NALCN: variants seen among roughly 807,000 people sequenced by gnomAD.
NALCN encodes sodium leak channel, non-selective, also known as sodium leak channel NALCN.
NALCN carries 111 observed loss-of-function variants against 225.3 expected under a neutral mutation model. The ratio of observed to expected loss-of-function variants is 0.49; its 90% CI spans 0.42 to 0.58. NALCN has a LOEUF of 0.58. Among genes scored for constraint, NALCN ranks in the 20% least tolerant of loss-of-function variants. The pLI is 0.00. For missense variants in NALCN, 1,378 were observed against 2,202.4 expected (o/e 0.63, Z 7.49); for synonymous variants, 764 against 769.0 (o/e 0.99, Z 0.11).
chr13:101,319,989 T>A (rs2044689143), intron 7 of NALCN, among the ~76,000 whole-genome samples: 1 of 152,214 alleles, frequency 6.6e-6, no homozygotes, highest in Admixed American at 6.5e-5. Flanking sequence ...ATTCTTCTTA[T>A]GTTTCCCATG....
intron 7 of NALCN, among the ~76,000 whole-genome samples, chr13:101,300,689 C>T (rs1338729795): frequency 6.6e-6 from 1 of 152,216 alleles, no homozygotes; most frequent in Non-Finnish European, 1.5e-5. Flanking sequence ...TAATCTTCAA[C>T]ACAACTTGTC....
At chr13:101,395,097 C>T in intron 3 of NALCN, 86 bp downstream of exon 3, 1 of 1,333,790 alleles carries the variant, frequency 7.5e-7, no homozygotes, top group Non-Finnish European at 1.0e-6. Flanking sequence ...TTTTGTTTTA[C>T]TGAAATGAAC....
rs1181731796 is a variant in NALCN at position 101,183,773 on chromosome 13, A to C, written c.1765-7399T>G. Among the ~76,000 whole-genome samples the C allele has an allele frequency of 2.0e-5, 3 of 151,908 alleles. No homozygotes were observed. The East Asian group carries it at 5.8e-4, about 29-fold the overall frequency. The stretch of plus-strand genomic sequence containing the variant: ...CACGCCTGGCCCGATATTTCAATTT[A>C]TACTGCAGCAGGATATACTATGTCC... On this transcript the variant is annotated intron_variant, in intron 14 of 43. Coordinates refer to ENST00000251127, the MANE Select transcript of NALCN (RefSeq NM_052867.4).
At chr13:101,149,168 C>T (rs2037508793) in intron 15 of NALCN, among the ~76,000 whole-genome samples, 2 of 152,074 alleles carry the variant, frequency 1.3e-5, no homozygotes, top group African/African-American at 2.4e-5. Flanking sequence ...TGGCAGGCGC[C>T]TGTAGTCCCA....
intron 18 of NALCN, among the ~76,000 whole-genome samples, chr13:101,120,156 T>C (rs36103304): frequency 6.6e-6 from 1 of 152,148 alleles, no homozygotes; most frequent in South Asian, 2.1e-4. Flanking sequence ...GTATATAACA[T>C]ACTTTCTGCT....
chr13:101,055,897 G>A (rs1395393677), intron 43 of NALCN, among the ~76,000 whole-genome samples: 1 of 152,114 alleles, frequency 6.6e-6, no homozygotes, highest in Non-Finnish European at 1.5e-5. Context: ...TGAGGGTATG[G>A]GAGGAAAGGT....
intron 10 of NALCN, among the ~76,000 whole-genome samples, chr13:101,279,310 G>A (rs1181146247): frequency 1.3e-5 from 2 of 152,172 alleles, no homozygotes; most frequent in Non-Finnish European, 2.9e-5. Flanking sequence ...GAAAATGTCA[G>A]TGCTTCCTGG....
Position 101,055,429 on chromosome 13 carries a change from T to C in NALCN, c.5083A>G (p.Thr1695Ala), listed in dbSNP as rs890448197. 1.9e-6 allele frequency: 3 copies of C among 1,614,060 alleles called. No individual in the cohort carries two copies. The highest frequency in any genetic ancestry group is 2.5e-6 in the Non-Finnish European group (3 of 1,180,034). The change falls in exon 44 of 44, where the codon ACC (threonine) becomes GCC (alanine). Residue 1695 changes from threonine (T) to alanine (A), a missense_variant. This residue lies in a region of NALCN where 145 missense variants were observed against 169.6 expected (regional missense o/e 0.85). Coordinates refer to ENST00000251127, the MANE Select transcript of NALCN (RefSeq NM_052867.4). ...SVNLRFGGRT[T>A]MKSVVCKMNP... ...ATTTTGCACACGACAGATTTCATGG[T>C]TGTCCTTCCTCCAAACCGTAAGTTG...
intron 7 of NALCN, among the ~76,000 whole-genome samples, chr13:101,339,086 G>A (rs768176217): frequency 5.9e-5 from 9 of 152,146 alleles, no homozygotes; most frequent in Non-Finnish European, 1.0e-4. Flanking sequence ...ATATGTTTAT[G>A]AGCAAGTGGG....
At chr13:101,062,194 G>T in intron 40 of NALCN, 76 bp from the exon 41 acceptor site, 3 of 1,517,806 alleles carry the variant, frequency 2.0e-6, no homozygotes, top group Non-Finnish European at 2.7e-6. Flanking sequence ...TCAAAATCCA[G>T]AGAGGACATC....
At chr13:101,230,116 T>G (rs1175126330) in intron 12 of NALCN, among the ~76,000 whole-genome samples, 1 of 152,168 alleles carries the variant, frequency 6.6e-6, no homozygotes, top group African/African-American at 2.4e-5. Context: ...ACATAAACAA[T>G]TTTTGTGTTT....
At chr13:101,212,978 C>T (rs537571714) in intron 13 of NALCN, among the ~76,000 whole-genome samples, 20 of 152,094 alleles carry the variant, frequency 1.3e-4, no homozygotes, top group Non-Finnish European at 1.9e-4. Context: ...AAAAAGAGCC[C>T]GCATTGCCAA....
At chr13:101,239,920 G>C (rs966531809) in intron 11 of NALCN, among the ~76,000 whole-genome samples, 1 of 152,020 alleles carries the variant, frequency 6.6e-6, no homozygotes, top group East Asian at 1.9e-4. Flanking sequence ...ACTTATTGTT[G>C]CTCATCTGTT....
intron 7 of NALCN, among the ~76,000 whole-genome samples, chr13:101,337,887 G>A (rs986295820): frequency 1.3e-5 from 2 of 152,170 alleles, no homozygotes; most frequent in African/African-American, 2.4e-5. Flanking sequence ...AATGCGGCTG[G>A]TAAGAGGCTC....
intron 10 of NALCN, among the ~76,000 whole-genome samples, chr13:101,278,095 A>T (rs2043022839): frequency 6.6e-6 from 1 of 152,244 alleles, no homozygotes; most frequent in African/African-American, 2.4e-5. Flanking sequence ...ATGGGAACTC[A>T]AACATCAGTT....
chr13:101,123,123 G>A (rs2036061232), intron 18 of NALCN, among the ~76,000 whole-genome samples: 1 of 152,204 alleles, frequency 6.6e-6, no homozygotes, highest in Non-Finnish European at 1.5e-5. Context: ...GGGAAGTGAG[G>A]TCTGGAAATC....
chr13:101,062,192 CAG>C (rs2032007682), intron 40 of NALCN, 74 bp from the exon 41 acceptor site: 20 of 1,520,426 alleles, frequency 1.3e-5, no homozygotes, highest in Non-Finnish European at 1.6e-5. Flanking sequence ...CGTCAAAATC[CAG>C]AGAGGACATC....
chr13:101,362,200 G>C (rs199976374), intron 6 of NALCN, among the ~76,000 whole-genome samples: 10 of 151,864 alleles, frequency 6.6e-5, no homozygotes, highest in Non-Finnish European at 1.3e-4. Flanking sequence ...ATAGAAACCA[G>C]ACTTAATGAA....
chr13:101,311,942 T>C (rs1251449087), intron 7 of NALCN, among the ~76,000 whole-genome samples: 6 of 152,080 alleles, frequency 3.9e-5, no homozygotes, highest in Admixed American at 2.6e-4. Flanking sequence ...ATGGTACCAG[T>C]TCCTCCTTGT....
Sources: gnomAD v4.1 joint callset for allele counts (sites outside exome capture counted in the v4.1 genomes callset) on GRCh38, gnomAD v4.1.1 for gene constraint, gnomAD v4.1.1 regional missense constraint, MANE v1.5 for transcripts, NCBI Gene and HGNC (gene_info 2026-07-23, HGNC 2026-07-21) for gene names.